The following PIEZO1 variants were observed in gnomAD, a reference collection of about 807,000 sequenced individuals.
The protein encoded by PIEZO1 is piezo type mechanosensitive ion channel component 1 (Er blood group).
Under a neutral mutation model 297.2 loss-of-function variants are expected in PIEZO1, and 296 were observed. That is an observed-to-expected ratio of 1.00 (90% confidence interval 0.91 to 1.10). The LOEUF is 1.10. Among genes scored for constraint, PIEZO1 ranks in the 50% least tolerant of loss-of-function variants. The probability of loss-of-function intolerance (pLI) is 0.00; values close to 1 mark genes in which losing one functional copy is unlikely to be tolerated. For missense variants in PIEZO1, 5,018 were observed against 3,455.5 expected (o/e 1.45, Z -11.34); for synonymous variants, 2,427 against 1,507.5 (o/e 1.61, Z -14.13).
intron 1 of PIEZO1, among the ~76,000 whole-genome samples, chr16:88,770,395 C>A (rs79135287): frequency 0.027 from 4,063 of 152,304 alleles, 200 homozygotes; most frequent in African/African-American, 0.093. Context: ...TAGGAGTCTG[C>A]AGTTCCTGTC....
rs753784420 is a variant in PIEZO1, at chr16:88,731,515, G to A, written c.3196+191C>T. The A allele has an allele frequency of 1.1e-4, 63 of 589,556 alleles. 1 individual carries two copies. The South Asian group carries it at 1.1e-3, about 10-fold the overall frequency. The allele number at this position is 589,556 out of a possible 1,614,324, so 36.5% of individuals were successfully genotyped here. On this transcript the variant is annotated intron_variant, in intron 22 of 50. Transcript: ENST00000301015. ...AAGAGAACAGCAGAGCCTGGAGGGG[G>A]CCAGGCCGCCCCCGAGAGACAGGAT...
chr16:88,738,238 G>A lies in PIEZO1; in HGVS notation c.837C>T (p.Gly279=). ...TGGCAAGCCGTTACCTAGCCCAGAT[G>A]CCGGCAGGCGGGAGCAGAGCCTGTG... ...PLAQALLPPA[G]IWARVLGLKD... Residue 279 remains glycine (G), a synonymous_variant, in exon 7 of 51, where the codon GGC becomes GGT. Transcript: ENST00000301015. The A allele has an allele frequency of 6.5e-7, 1 of 1,535,736 alleles. No homozygotes were observed. Among genetic ancestry groups the A allele is most frequent in the Non-Finnish European group, 8.7e-7 (1 of 1,146,732 alleles).
chr16:88,784,146 C>A (rs1908063223), intron 1 of PIEZO1, among the ~76,000 whole-genome samples: 1 of 152,218 alleles, frequency 6.6e-6, no homozygotes, highest in Non-Finnish European at 1.5e-5. Context: ...GCACCACTGC[C>A]CGGCAAGCAG....
chr16:88,738,056 G>T lies in PIEZO1; in HGVS notation c.898C>A (p.His300Asn). ...AGGCCGGTGTTGAGGACCAGCGCGT[G>T]GGGGCTGGAGCAGTTGGTGGGACCC... The part of the protein sequence containing the change: ...FVGPTNCSSP[H>N]ALVLNTGLDW... The change falls in exon 8 of 51, where the codon CAC becomes AAC. Residue 300 changes from histidine to asparagine, a missense_variant. His to Asn is a moderately conservative substitution (Grantham distance 68). Transcript: ENST00000301015. 2 of 1,535,780 alleles carry T rather than the reference G, an allele frequency of 1.3e-6. No individual in the cohort carries two copies. Among genetic ancestry groups the T allele is most frequent in the Non-Finnish European group, 1.7e-6 (2 of 1,146,792 alleles).
Position 88,716,789 on chromosome 16 carries a change from G to A in PIEZO1, c.6753+17C>T. The A allele has an allele frequency of 6.5e-7, 1 of 1,549,670 alleles. No homozygotes were observed. The highest frequency in any genetic ancestry group is 8.7e-7 in the Non-Finnish European group (1 of 1,146,912). ...CCGCCTCCCCACACCAGCTTTCACA[G>A]GGCAGAGGCCACTTACCGGCTGGGG... On this transcript the variant is annotated intron_variant, in intron 46 of 50. Coordinates refer to ENST00000301015, the MANE Select transcript of PIEZO1 (RefSeq NM_001142864.4).
In PIEZO1 at chr16:88,737,772, G is replaced by A; in HGVS notation, c.1063C>T (p.Leu355=). The change falls in exon 9 of 51, where the codon CTA becomes TTA. Residue 355 remains leucine (L), a synonymous_variant. Coordinates refer to ENST00000301015, the MANE Select transcript of PIEZO1 (RefSeq NM_001142864.4). ...TGGGGCCACTGGTCCAGCTCTGCTA[G>A]CTCCAGCTCCCGAGCCTCATACCCC... ...AKGYEARELE[L]AELDQWPQER... is the part of the protein sequence containing the mutation. The A allele has an allele frequency of 1.3e-6, 2 of 1,535,748 alleles. No homozygotes were observed. Among genetic ancestry groups the A allele is most frequent in the Non-Finnish European group, 1.7e-6 (2 of 1,146,714 alleles).
intron 26 of PIEZO1, 38 bp from the exon 27 acceptor site, chr16:88,726,493 CCAGGAGCAGGGGG>C: frequency 1.3e-6 from 2 of 1,547,514 alleles, no homozygotes; most frequent in Non-Finnish European, 1.7e-6. Context: ...GGCCCAGGGC[CCAGGAGCAGGGGG>C]CTTCCCCACG....
At chr16:88,757,327 T>TGGTGGGGGGGGGGG (rs1906720657) in intron 1 of PIEZO1, among the ~76,000 whole-genome samples, 1 of 42,698 alleles carries the variant, frequency 2.3e-5, no homozygotes, top group African/African-American at 6.5e-5. Flanking sequence ...GGCGGGGGGG[T>TGGTGGGGGGGGGGG]GGGGGGTAGT....
chr16:88,723,092 TACCTGCC>T lies in PIEZO1; in HGVS notation c.4491_4495+2del. ...CCCACTCCCCAGCCCCGGGCCCACG[TACCTGCC>T]GCTGCCTCCTCGGGGCCCTCTGCTG... On this transcript the variant is annotated splice_donor_variant and coding_sequence_variant, in exon 33 of 51. Coordinates refer to ENST00000301015, the MANE Select transcript of PIEZO1 (RefSeq NM_001142864.4). LOFTEE classifies it high-confidence loss of function. 6.5e-7 allele frequency: 1 copy of T among 1,547,578 alleles called. No homozygotes were observed. Among genetic ancestry groups the T allele is most frequent in the Non-Finnish European group, 8.7e-7 (1 of 1,146,592 alleles).
At chr16:88,718,990 A>G (rs1385502928) in intron 44 of PIEZO1, 1 of 155,890 alleles carries the variant, frequency 6.4e-6, no homozygotes, top group Non-Finnish European at 1.4e-5. Flanking sequence ...GACCATAGGC[A>G]TGAGCTGCCA....
At chr16:88,736,859 G>T in intron 10 of PIEZO1, 120 bp from the exon 11 acceptor site, 1 of 611,624 alleles carries the variant, frequency 1.6e-6, no homozygotes. Context: ...CCCCCGGTGG[G>T]CTATGGGCAG....
rs1354774840 is a variant in PIEZO1, at chr16:88,723,058, G to A, written c.4495+37C>T. The A allele has an allele frequency of 1.4e-5, 21 of 1,544,948 alleles. No homozygotes were observed. The East Asian group carries it at 2.7e-4, about 20-fold the overall frequency. ...CTGGAGGGGCAGCCTGTGGGGCCAAGAGAGACCTCCCACTCCCCAGCCCCG... is the reference window on the plus strand; with the variant it reads ...CTGGAGGGGCAGCCTGTGGGGCCAAAAGAGACCTCCCACTCCCCAGCCCCG... On this transcript the variant is annotated intron_variant, in intron 33 of 50. Coordinates refer to ENST00000301015, the MANE Select transcript of PIEZO1 (RefSeq NM_001142864.4).
rs1047399813 is a variant in PIEZO1, at chr16:88,719,488, C to T, written c.6471+86G>A. The T allele has an allele frequency of 1.8e-4, 236 of 1,330,720 alleles. 2 individuals are homozygous for T. In the East Asian group the frequency reaches 3.9e-3, roughly 22 times the overall value. The allele number at this position is 1,330,720 out of a possible 1,614,324, so 82.4% of individuals were successfully genotyped here. ...AGCCCTGGGAGGGCCTCCAGCACCACGGGTTCTCGTGGCAGCAGTGCCTCT... is the reference window on the plus strand; with the variant it reads ...AGCCCTGGGAGGGCCTCCAGCACCATGGGTTCTCGTGGCAGCAGTGCCTCT... On this transcript the variant is annotated intron_variant, in intron 44 of 50. Coordinates refer to ENST00000301015, the MANE Select transcript of PIEZO1 (RefSeq NM_001142864.4).
rs1905213551 is a variant in PIEZO1, at chr16:88,736,339, C to A, written c.1366G>T (p.Val456Leu). 6.5e-7 allele frequency: 1 copy of A among 1,550,166 alleles called. No individual in the cohort carries two copies. Residue 456 changes from valine (V) to leucine (L), a missense_variant, in exon 12 of 51, where the codon GTG (valine) becomes TTG (leucine). Physicochemically the swap from Val to Leu is conservative, Grantham distance 32. Transcript: ENST00000301015. ...LLLWACLIWT[V>L]RSRHQLAMLC... ...ATGGCCAGTTGGTGGCGGCTGCGCACCGTCCAGATGAGGCAGGCCCAGAGC... is the reference window on the plus strand; with the variant it reads ...ATGGCCAGTTGGTGGCGGCTGCGCAACGTCCAGATGAGGCAGGCCCAGAGC...
At chr16:88,783,980 G>C (rs1908053156) in intron 1 of PIEZO1, among the ~76,000 whole-genome samples, 1 of 152,264 alleles carries the variant, frequency 6.6e-6, no homozygotes, top group Non-Finnish European at 1.5e-5. Context: ...CTTGTCCGTG[G>C]GTTAATTCCA....
intron 21 of PIEZO1, among the ~76,000 whole-genome samples, 168 bp downstream of exon 21, chr16:88,732,163 CACCG>C (rs1904893757): frequency 6.6e-6 from 1 of 151,972 alleles, no homozygotes; most frequent in African/African-American, 2.4e-5. Context: ...CTGTTGTCAG[CACCG>C]ACACACCACA....
Position 88,742,308 on chromosome 16 carries a change from C to A in PIEZO1, c.275G>T (p.Gly92Val). The A allele has an allele frequency of 3.3e-6, 5 of 1,533,326 alleles. No individual in the cohort carries two copies. The highest frequency in any genetic ancestry group is 1.2e-5 in the South Asian group (1 of 83,906). 95.0% of individuals were successfully genotyped at this position (1,533,326 alleles called of 1,614,324 possible). Reference protein sequence around the residue: ...HIVPRLDQLLGPSCSRWETLS... With the variant: ...HIVPRLDQLLVPSCSRWETLS... The stretch of plus-strand genomic sequence containing the variant: ...CCCCCTCAGCGACTCACAGCTGGGT[C>A]CCAGGAGCTGGTCCAGGCGGGGCAC... Residue 92 changes from glycine to valine, a missense_variant, in exon 3 of 51, where the codon GGA (glycine) becomes GTA (valine). Coordinates refer to ENST00000301015, the MANE Select transcript of PIEZO1 (RefSeq NM_001142864.4).
intron 1 of PIEZO1, among the ~76,000 whole-genome samples, chr16:88,755,502 C>T (rs897323456): frequency 2.0e-5 from 3 of 152,228 alleles, no homozygotes; most frequent in Admixed American, 6.5e-5. Flanking sequence ...GGGCACGATA[C>T]GAGCCCCAGA....
chr16:88,721,383 A>T lies in PIEZO1; in HGVS notation c.5451T>A (p.His1817Gln). 1 of 1,549,376 alleles carries T rather than the reference A, an allele frequency of 6.5e-7. No individual in the cohort carries two copies. The highest frequency in any genetic ancestry group is 1.7e-4 in the Middle Eastern group (1 of 5,988). Reference protein sequence around the residue: ...DHEEDSPSKEHDKSGEEEQGA... With the variant: ...DHEEDSPSKEQDKSGEEEQGA... ...CCTGCTCCTCCTCGCCGCTCTTGTC[A>T]TGCTCCTTGGATGGTGAGTCCTCCT... The change falls in exon 39 of 51, where the codon CAT becomes CAA. Residue 1817 changes from histidine (H) to glutamine (Q), a missense_variant. Transcript: ENST00000301015.
Sources: allele counts gnomAD v4.1 joint callset (sites outside exome capture counted in the v4.1 genomes callset), GRCh38; gene constraint gnomAD v4.1.1; transcripts MANE v1.5; gene names NCBI Gene and HGNC (gene_info 2026-07-23, HGNC 2026-07-21).